The following FOXP1 variants were observed in gnomAD, a reference collection of about 807,000 sequenced individuals.
The protein encoded by FOXP1 is forkhead box P1.
Under a neutral mutation model 98.2 loss-of-function variants are expected in FOXP1, and 15 were observed. The observed-to-expected ratio is 0.15, with a 90% confidence interval of 0.10 to 0.24. The LOEUF (loss-of-function observed/expected upper bound fraction) is 0.24, where lower values mean the gene tolerates loss of function less well. FOXP1 is among the 10% of genes least tolerant of loss of function. The pLI, the probability that FOXP1 is intolerant of heterozygous loss-of-function variation, is 1.00. For synonymous variants in FOXP1, 371 were observed against 314.5 expected, an observed-to-expected ratio of 1.18 and a Z score of -1.90; for missense variants, 633 against 848.5, an observed-to-expected ratio of 0.75 and a Z score of 3.15.
intron 4 of FOXP1, among the ~76,000 whole-genome samples, chr3:71,302,530 A>AT (rs959293783): frequency 2.6e-5 from 4 of 150,964 alleles, no homozygotes; most frequent in African/African-American, 9.7e-5. Context: ...AAAAAAAAAA[A>AT]AGATAAAGAT....
chr3:70,973,216 G>A (rs926767307), intron 17 of FOXP1, among the ~76,000 whole-genome samples: 4 of 151,826 alleles, frequency 2.6e-5, no homozygotes, highest in African/African-American at 4.8e-5. Context: ...CAAAGGATCG[G>A]GGGGTGGTGA....
At chr3:71,318,914 T>C (rs1395751183) in intron 4 of FOXP1, among the ~76,000 whole-genome samples, 1 of 152,194 alleles carries the variant, frequency 6.6e-6, no homozygotes, top group Non-Finnish European at 1.5e-5. Context: ...TAAATTAACA[T>C]GGTTACTGAG....
intron 4 of FOXP1, among the ~76,000 whole-genome samples, chr3:71,300,505 G>A (rs1380740860): frequency 6.6e-6 from 1 of 152,068 alleles, no homozygotes; most frequent in Non-Finnish European, 1.5e-5. Flanking sequence ...ACAAACAATT[G>A]AAATCAAGCT....
At chr3:71,164,218 GAA>G (rs1442795377) in intron 6 of FOXP1, among the ~76,000 whole-genome samples, 1 of 150,268 alleles carries the variant, frequency 6.7e-6, no homozygotes, top group East Asian at 1.9e-4. Context: ...ATTTTTTTTT[GAA>G]ACAGAGTCTT....
At chr3:71,502,528 AAAC>A (rs2041473469) in intron 2 of FOXP1, among the ~76,000 whole-genome samples, 1 of 152,236 alleles carries the variant, frequency 6.6e-6, no homozygotes, top group Non-Finnish European at 1.5e-5. Context: ...AGCCTGTGGT[AAAC>A]AACTCAAGGT....
At chr3:71,516,857 G>C (rs1458284510) in intron 2 of FOXP1, among the ~76,000 whole-genome samples, 1 of 152,042 alleles carries the variant, frequency 6.6e-6, no homozygotes, top group Admixed American at 6.6e-5. Context: ...AAAAAGAAAA[G>C]AAAAGAAAAG....
intron 5 of FOXP1, among the ~76,000 whole-genome samples, chr3:71,234,220 T>C (rs1658705085): frequency 6.6e-6 from 1 of 151,738 alleles, no homozygotes; most frequent in Non-Finnish European, 1.5e-5. Context: ...TCTTTTTGGA[T>C]AACCAGATTA....
chr3:71,478,071 TC>T (rs2089991783), intron 3 of FOXP1, among the ~76,000 whole-genome samples: 1 of 152,194 alleles, frequency 6.6e-6, no homozygotes, highest in Non-Finnish European at 1.5e-5. Context: ...GGCAAAACAT[TC>T]ATTAGGCTAC....
At chr3:70,998,209 T>A (rs933212027) in intron 13 of FOXP1, among the ~76,000 whole-genome samples, 1 of 152,116 alleles carries the variant, frequency 6.6e-6, no homozygotes, top group African/African-American at 2.4e-5. Context: ...CCATGTAGAT[T>A]TCAGTTTCAA....
At chr3:71,009,365 G>T (rs141098984) in intron 12 of FOXP1, among the ~76,000 whole-genome samples, 1 of 151,974 alleles carries the variant, frequency 6.6e-6, no homozygotes, top group Non-Finnish European at 1.5e-5. Context: ...TGTTCCTTAC[G>T]CATGGTCAAC....
chr3:70,955,601 T>G lies in FOXP1; in HGVS notation c.*3646A>C, dbSNP rs2031581273. On this transcript the variant is annotated 3_prime_UTR_variant, in exon 21 of 21. Coordinates refer to ENST00000649528, the MANE Select transcript of FOXP1 (RefSeq NM_001349338.3). The stretch of plus-strand genomic sequence containing the variant: ...TTTTTTTTATACAAAAGTTCAATAG[T>G]TTTGACACTCCCCATTGTTAATCAC... The G allele has an allele frequency of 8.6e-6, 2 of 233,136 alleles. No individual in the cohort carries two copies. Among genetic ancestry groups the G allele is most frequent in the South Asian group, 3.6e-4 (2 of 5,506 alleles). The allele number at this position is 233,136 out of a possible 1,614,324, so 14.4% of individuals were successfully genotyped here.
intron 3 of FOXP1, among the ~76,000 whole-genome samples, chr3:71,460,835 A>C (rs1267258939): frequency 6.6e-6 from 1 of 152,218 alleles, no homozygotes; most frequent in Non-Finnish European, 1.5e-5. Flanking sequence ...GCAACCATGT[A>C]AGCTTAGCAA....
intron 20 of FOXP1, among the ~76,000 whole-genome samples, chr3:70,962,389 A>G (rs2033759484): frequency 6.6e-6 from 1 of 152,230 alleles, no homozygotes; most frequent in South Asian, 2.1e-4. Flanking sequence ...GCAAAGGCCA[A>G]AACATCTTTA....
At chr3:71,354,543 T>C (rs4327353) in intron 4 of FOXP1, among the ~76,000 whole-genome samples, 136,366 of 152,234 alleles carry the variant, frequency 0.9, 62,158 homozygotes, top group Non-Finnish European at 0.98. Context: ...ACAGTCAACG[T>C]GTCAACAACA....
At chr3:71,450,726 G>A (rs1292937572) in intron 3 of FOXP1, among the ~76,000 whole-genome samples, 1 of 152,066 alleles carries the variant, frequency 6.6e-6, no homozygotes, top group Non-Finnish European at 1.5e-5. Flanking sequence ...TAAGTGATAA[G>A]ATGAGTTGGT....
chr3:71,412,536 A>T (rs893815945), intron 3 of FOXP1, among the ~76,000 whole-genome samples: 1 of 152,198 alleles, frequency 6.6e-6, no homozygotes, highest in Non-Finnish European at 1.5e-5. Context: ...AAAATCACAA[A>T]TGGGGCATAA....
intron 6 of FOXP1, among the ~76,000 whole-genome samples, chr3:71,151,826 CTTAGCTCTG>C (rs2108070431): frequency 1.3e-5 from 2 of 152,260 alleles, no homozygotes; most frequent in South Asian, 2.1e-4. Flanking sequence ...TACAAACACT[CTTAGCTCTG>C]TCTCCTGCTC....
Position 70,977,898 on chromosome 3 carries a change from G to A in FOXP1, c.1278C>T (p.Thr426=). The change falls in exon 15 of 21, where the codon ACC becomes ACT. Residue 426 remains threonine (T), a synonymous_variant. Coordinates refer to ENST00000649528, the MANE Select transcript of FOXP1 (RefSeq NM_001349338.3). ...PVTQGPSVIT[T]TSMHTVGPIR... is the part of the protein sequence containing the mutation. ...TGGGTCCCACCGTGTGCATGCTGGTGGTTGTGATGACAGAGGGGCCTTGGG... is the reference window on the plus strand; with the variant it reads ...TGGGTCCCACCGTGTGCATGCTGGTAGTTGTGATGACAGAGGGGCCTTGGG... 1 of 1,614,196 alleles carries A rather than the reference G, an allele frequency of 6.2e-7. No individual in the cohort carries two copies. The highest frequency in any genetic ancestry group is 8.5e-7 in the Non-Finnish European group (1 of 1,180,028).
chr3:71,406,520 T>C (rs556604207), intron 3 of FOXP1, among the ~76,000 whole-genome samples: 2 of 151,378 alleles, frequency 1.3e-5, no homozygotes, highest in Non-Finnish European at 2.9e-5. Context: ...CAAGTCCTTC[T>C]CGTGATGCTA....
Sources: allele counts gnomAD v4.1 joint callset (sites outside exome capture counted in the v4.1 genomes callset), GRCh38; gene constraint gnomAD v4.1.1; transcripts MANE v1.5; gene names NCBI Gene and HGNC (gene_info 2026-07-23, HGNC 2026-07-21).